The following INTS4 variants were observed in gnomAD, a reference collection of about 807,000 sequenced individuals.
The protein encoded by INTS4 is integrator complex subunit 4.
Under a neutral mutation model 119.5 loss-of-function variants are expected in INTS4, and 70 were observed. The ratio of observed to expected loss-of-function variants is 0.59; its 90% CI spans 0.48 to 0.71. The LOEUF (loss-of-function observed/expected upper bound fraction) is 0.71. INTS4 is among the 30% of genes least tolerant of loss of function. INTS4 has a pLI of 0.00. For synonymous variants in INTS4, 316 were observed against 419.6 expected (o/e 0.75, Z 3.02); for missense variants, 867 against 1,173.2 (o/e 0.74, Z 3.81).
intron 8 of INTS4, among the ~76,000 whole-genome samples, chr11:77,955,341 A>G (rs1954292193): frequency 6.6e-6 from 1 of 152,214 alleles, no homozygotes; most frequent in Admixed American, 6.5e-5. Context: ...TGTCTCAAGA[A>G]AAGAAAAAGG....
chr11:77,929,416 G>C (rs540648079), intron 10 of INTS4, among the ~76,000 whole-genome samples: 1 of 152,272 alleles, frequency 6.6e-6, no homozygotes, highest in African/African-American at 2.4e-5. Context: ...TATATGTGAT[G>C]AAGTCACATG....
intron 21 of INTS4, among the ~76,000 whole-genome samples, chr11:77,888,760 C>A (rs1952130125): frequency 1.3e-5 from 2 of 152,090 alleles, no homozygotes; most frequent in African/African-American, 4.8e-5. Context: ...AAAAAGTGGG[C>A]AAAGGATATG....
chr11:77,918,788 T>A, intron 15 of INTS4, 33 bp downstream of exon 15: 1 of 1,609,474 alleles, frequency 6.2e-7, no homozygotes, highest in Non-Finnish European at 8.5e-7. Context: ...GTAACAGCAC[T>A]AACTCTGTCA....
Position 77,879,096 on chromosome 11 carries a change from C to T in INTS4, c.2745G>A (p.Leu915=), listed in dbSNP as rs750586409. 26 of 1,613,964 alleles carry T rather than the reference C, an allele frequency of 1.6e-5. No homozygotes were observed. In the Admixed American group the frequency reaches 4.2e-4, roughly 26 times the overall value. ...EACQVEVRLL[L]AYNSSARIPK... ...GAATGCGAGCACTGGAGTTGTAGGC[C>T]AGCAGCAGCCTCACTTCCACCTGGC... The change falls in exon 23 of 23, where the codon CTG becomes CTA. Residue 915 remains leucine, a synonymous_variant. Transcript: ENST00000534064.
intron 1 of INTS4, 58 bp downstream of exon 1, chr11:77,994,532 G>A: frequency 7.3e-7 from 1 of 1,366,018 alleles, no homozygotes; most frequent in Non-Finnish European, 1.0e-6. Context: ...AAGTGCCTGG[G>A]ATTTGGATAA....
intron 18 of INTS4, among the ~76,000 whole-genome samples, chr11:77,897,219 A>C (rs1952562841): frequency 6.6e-6 from 1 of 151,830 alleles, no homozygotes; most frequent in Admixed American, 6.5e-5. Flanking sequence ...AAAGATTATA[A>C]GTGGTGGCTC....
intron 16 of INTS4, among the ~76,000 whole-genome samples, chr11:77,906,860 G>C (rs1387033203): frequency 6.6e-6 from 1 of 152,098 alleles, no homozygotes. Context: ...AAGTGAGAAG[G>C]GCTCTCCTAA....
At chr11:77,924,002 T>A in intron 12 of INTS4, among the ~76,000 whole-genome samples, 1 of 147,018 alleles carries the variant, frequency 6.8e-6, no homozygotes, top group Non-Finnish European at 1.5e-5. Flanking sequence ...TGACCTCAGG[T>A]GATCCACCCG....
At chr11:77,929,511 T>C (rs1171645350) in intron 10 of INTS4, among the ~76,000 whole-genome samples, 1 of 152,214 alleles carries the variant, frequency 6.6e-6, no homozygotes, top group Non-Finnish European at 1.5e-5. Flanking sequence ...AGTCAGTTAG[T>C]AAATAATGTT....
chr11:77,885,282 G>T (rs906197259), intron 21 of INTS4, among the ~76,000 whole-genome samples: 1 of 151,720 alleles, frequency 6.6e-6, no homozygotes, highest in Non-Finnish European at 1.5e-5. Context: ...TCACCATGTT[G>T]GCCAGGTTGG....
At chr11:77,958,518 A>G (rs1954386264) in intron 7 of INTS4, among the ~76,000 whole-genome samples, 1 of 152,244 alleles carries the variant, frequency 6.6e-6, no homozygotes, top group African/African-American at 2.4e-5. Context: ...TGAGAAGGTT[A>G]GGATAAAAGA....
chr11:77,979,848 C>T (rs1318849176), intron 3 of INTS4, among the ~76,000 whole-genome samples: 3 of 151,210 alleles, frequency 2.0e-5, no homozygotes, highest in African/African-American at 7.3e-5. Context: ...CATGGTGGCA[C>T]GTGCCTGTAA....
chr11:77,919,053 A>G, intron 14 of INTS4, 75 bp from the exon 15 acceptor site: 1 of 1,506,774 alleles, frequency 6.6e-7, no homozygotes, highest in Non-Finnish European at 9.2e-7. Context: ...AACACATAAA[A>G]GCACATTAAA....
intron 15 of INTS4, among the ~76,000 whole-genome samples, 176 bp downstream of exon 15, chr11:77,918,645 T>G (rs1384835943): frequency 6.6e-6 from 1 of 152,148 alleles, no homozygotes; most frequent in Non-Finnish European, 1.5e-5. Context: ...AAGAGCTCTT[T>G]TAAAAAATAT....
At chr11:77,964,979 T>C (rs1855437000) in intron 4 of INTS4, among the ~76,000 whole-genome samples, 1 of 152,238 alleles carries the variant, frequency 6.6e-6, no homozygotes, top group African/African-American at 2.4e-5. Context: ...AATACATGTA[T>C]GCAATGTGGA....
rs753045318 is a variant in INTS4 at position 77,991,257 on chromosome 11, GT to G, written c.96del (p.Lys32AsnfsTer10). On this transcript the variant is annotated frameshift_variant, in exon 2 of 23. Transcript: ENST00000534064. LOFTEE classifies it high-confidence loss of function. ...EIATKKLRLT[K>X]PSKSAALHID... ...ATGTGGAGTGCTGCAGATTTACTTG[GT>G]TTTGTTAGTCGGAGTTTCTTAGTAG... 4.3e-6 allele frequency: 7 copies of G among 1,613,900 alleles called. No homozygotes were observed. In the South Asian group the frequency reaches 7.7e-5, roughly 18 times the overall value.
At chr11:77,944,296 C>T (rs183667102) in intron 8 of INTS4, among the ~76,000 whole-genome samples, 42 of 152,294 alleles carry the variant, frequency 2.8e-4, no homozygotes, top group Non-Finnish European at 5.4e-4. Flanking sequence ...CAACTTACCT[C>T]GTTACAGATC....
At chr11:77,948,654 CAA>C (rs138277574) in intron 8 of INTS4, among the ~76,000 whole-genome samples, 58,868 of 91,410 alleles carry the variant, frequency 0.64, 16,323 homozygotes, top group African/African-American at 0.72. Context: ...CTCAAAGAAA[CAA>C]AAAAAAAAAA....
intron 4 of INTS4, among the ~76,000 whole-genome samples, chr11:77,966,339 C>A (rs1855503726): frequency 6.6e-6 from 1 of 152,064 alleles, no homozygotes; most frequent in African/African-American, 2.4e-5. Context: ...TGGTTGGTTG[C>A]CTGCTCTTTT....
Sources: gnomAD v4.1 joint callset for allele counts (sites outside exome capture counted in the v4.1 genomes callset) on GRCh38, gnomAD v4.1.1 for gene constraint, MANE v1.5 for transcripts, NCBI Gene and HGNC (gene_info 2026-07-23, HGNC 2026-07-21) for gene names.